Variants in CYP39A1 observed in about 807,000 individuals in gnomAD.
CYP39A1 encodes 24-hydroxycholesterol 7-alpha-hydroxylase.
CYP39A1 carries 49 observed loss-of-function variants against 58.1 expected under a neutral mutation model. That is an observed-to-expected ratio of 0.84 (90% CI 0.67 to 1.07). The LOEUF (loss-of-function observed/expected upper bound fraction) is 1.07. Among genes scored for constraint, CYP39A1 ranks in the 50% least tolerant of loss-of-function variants. CYP39A1 has a pLI of 0.00. For missense variants in CYP39A1, 531 were observed against 539.4 expected (o/e 0.98, Z 0.16); for synonymous variants, 209 against 187.6 (o/e 1.11, Z -0.93).
At chr6:46,550,575 G>T in intron 11 of CYP39A1, 138 bp from the exon 12 acceptor site, 2 of 629,220 alleles carry the variant, frequency 3.2e-6, no homozygotes, top group South Asian at 2.2e-5. Flanking sequence ...TTGCATCAAT[G>T]AACTTCACAA....
chr6:46,567,753 C>A lies in CYP39A1; in HGVS notation c.1251-13899G>T, dbSNP rs551938701. Among the ~76,000 whole-genome samples, 94 of 152,220 alleles carry A rather than the reference C, an allele frequency of 6.2e-4. 1 individual carries two copies. The South Asian group carries it at 0.019, about 30-fold the overall frequency. ...TAAGGAATAGAACTGCAATTCAGGGCACACACACAGACTAGGGTGGCCTCT... is the reference window on the plus strand; with the variant it reads ...TAAGGAATAGAACTGCAATTCAGGGAACACACACAGACTAGGGTGGCCTCT... On this transcript the variant is annotated intron_variant, in intron 10 of 11. Coordinates refer to ENST00000275016, the MANE Select transcript of CYP39A1 (RefSeq NM_016593.5).
rs575484845 is a variant in CYP39A1, at chr6:46,561,546, G to A, written c.1251-7692C>T. Among the ~76,000 whole-genome samples, 89 of 152,168 alleles carry A rather than the reference G, an allele frequency of 5.8e-4. 1 individual carries two copies. In the South Asian group the frequency reaches 0.018, roughly 30 times the overall value. On this transcript the variant is annotated intron_variant, in intron 10 of 11. Coordinates refer to ENST00000275016, the MANE Select transcript of CYP39A1 (RefSeq NM_016593.5). ...GTTGTTGACTCCATGCAGAAGGTGA[G>A]GTGATGAGAGATGAAGCTGGACAGT...
intron 7 of CYP39A1, among the ~76,000 whole-genome samples, chr6:46,615,523 C>A (rs1774479953): frequency 6.6e-6 from 1 of 152,038 alleles, no homozygotes; most frequent in Admixed American, 6.6e-5. Context: ...CACCTGTGTA[C>A]TGGTGTCATA....
Position 46,549,829 on chromosome 6 carries a change from T to C in CYP39A1, c.*537A>G, listed in dbSNP as rs1770297688. 6.6e-6 allele frequency: 1 copy of C among 152,358 alleles called. No individual in the cohort carries two copies. The highest frequency in any genetic ancestry group is 1.5e-5 in the Non-Finnish European group (1 of 68,040). The allele number at this position is 152,358 out of a possible 1,614,324, so 9.4% of individuals were successfully genotyped here. On this transcript the variant is annotated 3_prime_UTR_variant, in exon 12 of 12. Transcript: ENST00000275016. ...TCACAGGTCTCAGAAAACTACCATT[T>C]TATTACTTTTAGCATTAGATACGTT...
rs975110845 is a variant in CYP39A1, at chr6:46,607,248, T to G, written c.932-11128A>C. Among the ~76,000 whole-genome samples the G allele has an allele frequency of 2.6e-5, 4 of 152,276 alleles. No individual in the cohort carries two copies. In the East Asian group the frequency reaches 7.7e-4, roughly 29 times the overall value. On this transcript the variant is annotated intron_variant, in intron 7 of 11. Transcript: ENST00000275016. Reference sequence around the variant, plus strand: ...ATCTCTAAGTTTCATATAAGAGAATTCAAGTGTCTCTTCTCACTTAGGGCT... The same window carrying G: ...ATCTCTAAGTTTCATATAAGAGAATGCAAGTGTCTCTTCTCACTTAGGGCT...
chr6:46,575,348 G>C (rs1432564444), intron 10 of CYP39A1, among the ~76,000 whole-genome samples: 1 of 152,204 alleles, frequency 6.6e-6, no homozygotes, highest in African/African-American at 2.4e-5. Flanking sequence ...CCTGGAGAGA[G>C]TGGGGTTGTC....
rs1371935619 is a variant in CYP39A1, at chr6:46,550,355, C to G, written c.*11G>C. The G allele has an allele frequency of 6.2e-7, 1 of 1,611,458 alleles. No individual in the cohort carries two copies. The highest frequency in any genetic ancestry group is 2.2e-5 in the East Asian group (1 of 44,758). On this transcript the variant is annotated 3_prime_UTR_variant, in exon 12 of 12. Coordinates refer to ENST00000275016, the MANE Select transcript of CYP39A1 (RefSeq NM_016593.5). Reference sequence around the variant, plus strand: ...CCAGAAGGCCCTGGTCCTTGTGAGGCCCAACAGATGTCATATTCTTTGTTT... The same window carrying G: ...CCAGAAGGCCCTGGTCCTTGTGAGGGCCAACAGATGTCATATTCTTTGTTT...
chr6:46,599,094 G>C (rs1041595603), intron 7 of CYP39A1, among the ~76,000 whole-genome samples: 43 of 152,250 alleles, frequency 2.8e-4, no homozygotes, highest in East Asian at 9.7e-4. Context: ...TTGGGGGCCA[G>C]GTCTGAGGAA....
At chr6:46,641,993 A>T (rs1380565154) in intron 2 of CYP39A1, among the ~76,000 whole-genome samples, 170 bp downstream of exon 2, 1 of 152,190 alleles carries the variant, frequency 6.6e-6, no homozygotes, top group Non-Finnish European at 1.5e-5. Flanking sequence ...TTGCATTTCA[A>T]TGGCCAAACT....
intron 9 of CYP39A1, among the ~76,000 whole-genome samples, chr6:46,587,533 T>C (rs544928578): frequency 2.0e-5 from 3 of 152,266 alleles, no homozygotes; most frequent in Non-Finnish European, 4.4e-5. Context: ...TAGAAAAAGC[T>C]TGGGATGCAG....
chr6:46,607,626 A>C (rs1482192347), intron 7 of CYP39A1, among the ~76,000 whole-genome samples: 1 of 152,144 alleles, frequency 6.6e-6, no homozygotes, highest in Non-Finnish European at 1.5e-5. Context: ...AAAGAAGGGG[A>C]ATGGTAGGCA....
chr6:46,593,191 C>T (rs549325580), intron 8 of CYP39A1, among the ~76,000 whole-genome samples: 3 of 152,116 alleles, frequency 2.0e-5, no homozygotes, highest in Admixed American at 6.6e-5. Flanking sequence ...TAGATAGTTG[C>T]GGTAGTACAT....
rs561213545 is a variant in CYP39A1 at position 46,622,345 on chromosome 6, T to C, written c.931+3073A>G. ...GGTATGTTAATTATCTATGATTATA[T>C]ATATATAATTTTATTTATAAGTTGA... On this transcript the variant is annotated intron_variant, in intron 7 of 11. Transcript: ENST00000275016. Among the ~76,000 whole-genome samples, 6 of 152,032 alleles carry C rather than the reference T, an allele frequency of 3.9e-5. No individual in the cohort carries two copies. The East Asian group carries it at 1.2e-3, about 29-fold the overall frequency.
chr6:46,646,150 C>T (rs1008349146), intron 1 of CYP39A1, among the ~76,000 whole-genome samples: 1 of 152,038 alleles, frequency 6.6e-6, no homozygotes, highest in East Asian at 1.9e-4. Context: ...ATTTCCAGCA[C>T]TATGCTGAAT....
intron 10 of CYP39A1, among the ~76,000 whole-genome samples, chr6:46,562,546 T>C (rs1771038174): frequency 6.6e-6 from 1 of 151,810 alleles, no homozygotes; most frequent in Admixed American, 6.6e-5. Context: ...AGCAGGTGGA[T>C]CACTTGAGCT....
rs544449000 is a variant in CYP39A1 at position 46,612,158 on chromosome 6, C to T, written c.931+13260G>A. On this transcript the variant is annotated intron_variant, in intron 7 of 11. Transcript: ENST00000275016. ...ATCTCTTTCAGCCACTGAAGCTAAG[C>T]AATGAAAAAGGAGAGAGTGACTTCA... is the stretch of plus-strand genomic sequence containing the variant. Among the ~76,000 whole-genome samples, 7 of 152,228 alleles carry T rather than the reference C, an allele frequency of 4.6e-5. No individual in the cohort carries two copies. The South Asian group carries it at 1.5e-3, about 32-fold the overall frequency.
At chr6:46,566,051 C>T (rs1055815158) in intron 10 of CYP39A1, among the ~76,000 whole-genome samples, 3 of 152,158 alleles carry the variant, frequency 2.0e-5, no homozygotes, top group Non-Finnish European at 4.4e-5. Context: ...GAATGAAGAA[C>T]TGGAGAACCT....
intron 10 of CYP39A1, among the ~76,000 whole-genome samples, chr6:46,570,034 T>G (rs1419488868): frequency 6.6e-6 from 1 of 152,116 alleles, no homozygotes; most frequent in Non-Finnish European, 1.5e-5. Flanking sequence ...TTCAATCTCC[T>G]TACTTGTTGG....
chr6:46,583,675 C>G, intron 10 of CYP39A1: 1 of 792,298 alleles, frequency 1.3e-6, no homozygotes, highest in Non-Finnish European at 1.5e-6. Context: ...GGAAGTGCCT[C>G]GCAGTGGGAT....
Sources: allele counts gnomAD v4.1 joint callset (sites outside exome capture counted in the v4.1 genomes callset), GRCh38; gene constraint gnomAD v4.1.1; transcripts MANE v1.5; gene names NCBI Gene and HGNC (gene_info 2026-07-23, HGNC 2026-07-21).